The following IER5L variants were observed in gnomAD, a reference collection of about 807,000 sequenced individuals.
The protein encoded by IER5L is immediate early response gene 5-like protein.
A neutral mutation model predicts 28.3 loss-of-function variants in IER5L; 6 were observed. The ratio of observed to expected loss-of-function variants is 0.21; its 90% CI spans 0.12 to 0.42. The LOEUF (loss-of-function observed/expected upper bound fraction) is 0.42, where lower values mean the gene tolerates loss of function less well. Among genes scored for constraint, IER5L ranks in the 10% least tolerant of loss-of-function variants. The probability of loss-of-function intolerance (pLI) is 1.00; values close to 1 mark genes in which losing one functional copy is unlikely to be tolerated. For missense variants in IER5L, 607 were observed against 575.2 expected (o/e 1.06, Z -0.56); for synonymous variants, 351 against 282.5 (o/e 1.24, Z -2.43).
In IER5L at chr9:129,176,720, C is replaced by T. The variant is rs562996681; in HGVS notation, c.*118G>A. 1.8e-4 allele frequency: 239 copies of T among 1,292,326 alleles called. No homozygotes were observed. The highest frequency in any genetic ancestry group is 2.4e-4 in the Non-Finnish European group (237 of 1,003,602). The allele number at this position is 1,292,326 out of a possible 1,614,324, so 80.1% of individuals were successfully genotyped here. On this transcript the variant is annotated 3_prime_UTR_variant, in exon 1 of 1. Coordinates refer to ENST00000372491, the MANE Select transcript of IER5L (RefSeq NM_203434.3). ...AACATCAGCCGCCTGCCCCCGCTCG[C>T]CCCCAGCTCAGCCCCGAGTGGCCCG...
In IER5L at chr9:129,177,680, G is replaced by C; in HGVS notation, c.373C>G (p.Gln125Glu). The change falls in exon 1 of 1, where the codon CAG becomes GAG. Residue 125 changes from glutamine to glutamate, a missense_variant. Transcript: ENST00000372491. The part of the protein sequence containing the change: ...HQLHQLHLQQ[Q>E]LHQHQHPAPR... The stretch of plus-strand genomic sequence containing the variant: ...GCCGGGTGCTGGTGCTGGTGCAGCT[G>C]CTGCTGGAGGTGCAGCTGGTGGAGC... The C allele has an allele frequency of 7.1e-7, 1 of 1,406,568 alleles. No homozygotes were observed. The highest frequency in any genetic ancestry group is 9.2e-7 in the Non-Finnish European group (1 of 1,082,352). 87.1% of individuals were successfully genotyped at this position (1,406,568 alleles called of 1,614,324 possible).
chr9:129,178,123 C>T lies in IER5L; in HGVS notation c.-71G>A, dbSNP rs952626893. 1.5e-6 allele frequency: 2 copies of T among 1,291,682 alleles called. No homozygotes were observed. Among genetic ancestry groups the T allele is most frequent in the Non-Finnish European group, 2.0e-6 (2 of 1,005,158 alleles). 80.0% of individuals were successfully genotyped at this position (1,291,682 alleles called of 1,614,324 possible). A position where few individuals can be genotyped will look rare whatever the true frequency, so the allele number is the denominator to read the frequency against. ...TTAACGCTTCTGCTGTTTCTGCCTC[C>T]AGCCGGCCGCCGGGGCGCGCCGGGC... On this transcript the variant is annotated 5_prime_UTR_variant, in exon 1 of 1. Transcript: ENST00000372491.
At position 129,177,086 on chromosome 9, in the gene IER5L, C is replaced by A. The variant is rs1163910800; in HGVS notation, c.967G>T (p.Ala323Ser). 1.4e-6 allele frequency: 2 copies of A among 1,466,076 alleles called. No homozygotes were observed. The highest frequency in any genetic ancestry group is 2.7e-5 in the Admixed American group (1 of 36,774). The allele number at this position is 1,466,076 out of a possible 1,614,324, so 90.8% of individuals were successfully genotyped here. A position where few individuals can be genotyped will look rare whatever the true frequency, so the allele number is the denominator to read the frequency against. Residue 323 changes from alanine (A) to serine (S), a missense_variant, in exon 1 of 1, where the codon GCC (alanine) becomes TCC (serine). By Grantham distance (99) the Ala-to-Ser change is moderately conservative. Coordinates refer to ENST00000372491, the MANE Select transcript of IER5L (RefSeq NM_203434.3). ...DDEEDAGGLGAEPPGGAPFAP... is the reference protein window; with the variant it reads ...DDEEDAGGLGSEPPGGAPFAP... Reference sequence around the variant, plus strand: ...AACGGGGCGCCCCCGGGGGGCTCGGCCCCCAGCCCGCCCGCATCCTCCTCG... The same window carrying A: ...AACGGGGCGCCCCCGGGGGGCTCGGACCCCAGCCCGCCCGCATCCTCCTCG...
rs987974792 is a variant in IER5L, at chr9:129,177,659, G to A, written c.394C>T (p.Pro132Ser). 2.1e-5 allele frequency: 28 copies of A among 1,313,212 alleles called. No individual in the cohort carries two copies. In the Admixed American group the frequency reaches 9.2e-4, roughly 43 times the overall value. 81.3% of individuals were successfully genotyped at this position (1,313,212 alleles called of 1,614,324 possible). ...GCCGCCGCGCAGCCCCTGGGCGCCG[G>A]GTGCTGGTGCTGGTGCAGCTGCTGC... is the stretch of plus-strand genomic sequence containing the variant. ...LQQQLHQHQH[P>S]APRGCAAAAA... Residue 132 changes from proline (P) to serine (S), a missense_variant, in exon 1 of 1, where the codon CCG becomes TCG. Transcript: ENST00000372491.
Position 129,178,074 on chromosome 9 carries a change from G to A in IER5L, c.-22C>T, listed in dbSNP as rs776964689. On this transcript the variant is annotated 5_prime_UTR_variant, in exon 1 of 1. Transcript: ENST00000372491. The stretch of plus-strand genomic sequence containing the variant: ...CCATGCTCCCGCGGAGACGGCGGCG[G>A]AGCAGCCGCCGCCGCTGCTGCTGTT... 15 of 1,391,720 alleles carry A rather than the reference G, an allele frequency of 1.1e-5. No individual in the cohort carries two copies. The highest frequency in any genetic ancestry group is 1.0e-5 in the Non-Finnish European group (11 of 1,072,044). 86.2% of individuals were successfully genotyped at this position (1,391,720 alleles called of 1,614,324 possible). A position where few individuals can be genotyped will look rare whatever the true frequency, so the allele number is the denominator to read the frequency against.
chr9:129,176,680 TTTTAC>T lies in IER5L; in HGVS notation c.*153_*157del. On this transcript the variant is annotated 3_prime_UTR_variant, in exon 1 of 1. Transcript: ENST00000372491. ...AGATTTTAGATTTCTTTTTTTTTTA[TTTTAC>T]AATTTATAAAACATCAGCCGCCTGC... 1.0e-6 allele frequency: 1 copy of T among 962,856 alleles called. No homozygotes were observed. The highest frequency in any genetic ancestry group is 1.4e-6 in the Non-Finnish European group (1 of 716,256). 59.6% of individuals were successfully genotyped at this position (962,856 alleles called of 1,614,324 possible).
In IER5L at chr9:129,177,602, C is replaced by G; in HGVS notation, c.451G>C (p.Gly151Arg). 4.9e-6 allele frequency: 5 copies of G among 1,030,678 alleles called. No homozygotes were observed. Among genetic ancestry groups the G allele is most frequent in the Non-Finnish European group, 5.8e-6 (5 of 866,080 alleles). The allele number at this position is 1,030,678 out of a possible 1,614,324, so 63.8% of individuals were successfully genotyped here. Residue 151 changes from glycine to arginine, a missense_variant, in exon 1 of 1, where the codon GGG becomes CGG. Coordinates refer to ENST00000372491, the MANE Select transcript of IER5L (RefSeq NM_203434.3). ...CACCCGGGCAGCTCCGAGAGCGCCC[C>G]CGCGCCGCCCGCGGGCGCTCCGGCC... ...AAAGAPAGGA[G>R]ALSELPGCAA...
Position 129,177,403 on chromosome 9 carries a change from G to C in IER5L, c.650C>G (p.Pro217Arg). 8.0e-7 allele frequency: 1 copy of C among 1,242,280 alleles called. No homozygotes were observed. The allele number at this position is 1,242,280 out of a possible 1,614,324, so 77.0% of individuals were successfully genotyped here. The change falls in exon 1 of 1, where the codon CCG becomes CGG. Residue 217 changes from proline (P) to arginine (R), a missense_variant. Transcript: ENST00000372491. ...ACSAPPGAAPPAAAASPPASP... is the reference protein window; with the variant it reads ...ACSAPPGAAPRAAAASPPASP... ...GGCGGGCGGAGAAGCGGCGGCGGCC[G>C]GAGGGGCGGCCCCTGGGGGCGCGGA...
rs1272584508 is a variant in IER5L, at chr9:129,177,489, C to T, written c.564G>A (p.Pro188=). ...LQPGPAPLPL[P]LPPPAPAALC... is the part of the protein sequence containing the mutation. ...GCGCAGCGGGCGCGGGCGGCGGCAG[C>T]GGCAGCGGCAGCGGCGCAGGACCCG... Residue 188 remains proline, a synonymous_variant, in exon 1 of 1, where the codon CCG becomes CCA. Transcript: ENST00000372491. 4.0e-6 allele frequency: 4 copies of T among 989,174 alleles called. No homozygotes were observed. In the Admixed American group the frequency reaches 1.9e-4, roughly 46 times the overall value. 61.3% of individuals were successfully genotyped at this position (989,174 alleles called of 1,614,324 possible). A position where few individuals can be genotyped will look rare whatever the true frequency, so the allele number is the denominator to read the frequency against.
Position 129,177,900 on chromosome 9 carries a change from G to C in IER5L, c.153C>G (p.Arg51=), listed in dbSNP as rs890059159. The C allele has an allele frequency of 1.3e-6, 2 of 1,552,850 alleles. No individual in the cohort carries two copies. Among genetic ancestry groups the C allele is most frequent in the Non-Finnish European group, 8.7e-7 (1 of 1,149,836 alleles). The stretch of plus-strand genomic sequence containing the variant: ...GCTGGCGCCGGTAGAGCTCGGCGTA[G>C]CGCTCGCTCAGGTAGAGCTGGCGCG... ...RNARQLYLSE[R]YAELYRRQQQ... The change falls in exon 1 of 1, where the codon CGC becomes CGG. Residue 51 remains arginine (R), a synonymous_variant. Coordinates refer to ENST00000372491, the MANE Select transcript of IER5L (RefSeq NM_203434.3).
rs183713843 is a variant in IER5L, at chr9:129,177,378, G to A, written c.675C>T (p.Ala225=). The change falls in exon 1 of 1, where the codon GCC becomes GCT. Residue 225 remains alanine (A), a synonymous_variant. Coordinates refer to ENST00000372491, the MANE Select transcript of IER5L (RefSeq NM_203434.3). The part of the protein sequence containing the change: ...APPAAAASPP[A]SPAPASSPGF... ...CGGGGGAGGAGGCGGGGGCCGGGGA[G>A]GCGGGCGGAGAAGCGGCGGCGGCCG... The A allele has an allele frequency of 8.4e-3, 10,768 of 1,287,042 alleles. 574 individuals are homozygous for A. In the East Asian group the frequency reaches 0.17, roughly 21 times the overall value. 79.7% of individuals were successfully genotyped at this position (1,287,042 alleles called of 1,614,324 possible). A position where few individuals can be genotyped will look rare whatever the true frequency, so the allele number is the denominator to read the frequency against.
Position 129,177,690 on chromosome 9 carries a change from G to A in IER5L, c.363C>T (p.His121=), listed in dbSNP as rs1288307682. The A allele has an allele frequency of 7.7e-6, 11 of 1,420,022 alleles. No homozygotes were observed. Among genetic ancestry groups the A allele is most frequent in the African/African-American group, 1.5e-5 (1 of 66,362 alleles). 88.0% of individuals were successfully genotyped at this position (1,420,022 alleles called of 1,614,324 possible). A position where few individuals can be genotyped will look rare whatever the true frequency, so the allele number is the denominator to read the frequency against. ...LHQLHQLHQL[H]LQQQLHQHQH... ...GGTGCTGGTGCAGCTGCTGCTGGAG[G>A]TGCAGCTGGTGGAGCTGGTGGAGCT... The change falls in exon 1 of 1, where the codon CAC becomes CAT. Residue 121 remains histidine (H), a synonymous_variant. Coordinates refer to ENST00000372491, the MANE Select transcript of IER5L (RefSeq NM_203434.3).
At position 129,177,619 on chromosome 9, in the gene IER5L, GCT is replaced by G; in HGVS notation, c.432_433del (p.Pro146ArgfsTer296). ...GAGCGCCCCCGCGCCGCCCGCGGGC[GCT>G]CCGGCCGCCGCCGCCGCCGCGCAGC... On this transcript the variant is annotated frameshift_variant, in exon 1 of 1. Coordinates refer to ENST00000372491, the MANE Select transcript of IER5L (RefSeq NM_203434.3). LOFTEE classifies it high-confidence loss of function. 9.0e-7 allele frequency: 1 copy of G among 1,112,436 alleles called. No homozygotes were observed. The highest frequency in any genetic ancestry group is 1.1e-6 in the Non-Finnish European group (1 of 919,554). The allele number at this position is 1,112,436 out of a possible 1,614,324, so 68.9% of individuals were successfully genotyped here. A position where few individuals can be genotyped will look rare whatever the true frequency, so the allele number is the denominator to read the frequency against.
Position 129,177,588 on chromosome 9 carries a change from C to T in IER5L, c.465G>A (p.Glu155=), listed in dbSNP as rs1255314179. Residue 155 remains glutamate, a synonymous_variant, in exon 1 of 1, where the codon GAG becomes GAA. Coordinates refer to ENST00000372491, the MANE Select transcript of IER5L (RefSeq NM_203434.3). ...APAGGAGALS[E]LPGCAALQPP... is the part of the protein sequence containing the mutation. Reference sequence around the variant, plus strand: ...GCTGGAGCGCGGCGCACCCGGGCAGCTCCGAGAGCGCCCCCGCGCCGCCCG... The same window carrying T: ...GCTGGAGCGCGGCGCACCCGGGCAGTTCCGAGAGCGCCCCCGCGCCGCCCG... 4.0e-6 allele frequency: 4 copies of T among 999,980 alleles called. No individual in the cohort carries two copies. Among genetic ancestry groups the T allele is most frequent in the Non-Finnish European group, 4.7e-6 (4 of 843,490 alleles). 61.9% of individuals were successfully genotyped at this position (999,980 alleles called of 1,614,324 possible).
Position 129,177,397 on chromosome 9 carries a change from G to C in IER5L, c.656C>G (p.Ala219Gly), listed in dbSNP as rs1264759786. The change falls in exon 1 of 1, where the codon GCC (alanine) becomes GGC (glycine). Residue 219 changes from alanine to glycine, a missense_variant. Transcript: ENST00000372491. ...CGGGGAGGCGGGCGGAGAAGCGGCG[G>C]CGGCCGGAGGGGCGGCCCCTGGGGG... ...SAPPGAAPPAAAASPPASPAP... is the reference protein window; with the variant it reads ...SAPPGAAPPAGAASPPASPAP... The C allele has an allele frequency of 4.0e-6, 5 of 1,253,402 alleles. No homozygotes were observed. Among genetic ancestry groups the C allele is most frequent in the Non-Finnish European group, 4.0e-6 (4 of 999,412 alleles). The allele number at this position is 1,253,402 out of a possible 1,614,324, so 77.6% of individuals were successfully genotyped here.
Position 129,176,203 on chromosome 9 carries a change from A to G in IER5L, c.*635T>C, listed in dbSNP as rs1007426668. 2 of 152,138 alleles carry G rather than the reference A, an allele frequency of 1.3e-5. No homozygotes were observed. The highest frequency in any genetic ancestry group is 4.8e-5 in the African/African-American group (2 of 41,432). The allele number at this position is 152,138 out of a possible 1,614,324, so 9.4% of individuals were successfully genotyped here. A position where few individuals can be genotyped will look rare whatever the true frequency, so the allele number is the denominator to read the frequency against. ...GGTTCAAGACACCCGCCCCGGGAAG[A>G]AAAGAAAAAAAAAGTTGAAGTGTTT... is the stretch of plus-strand genomic sequence containing the variant. On this transcript the variant is annotated 3_prime_UTR_variant, in exon 1 of 1. Coordinates refer to ENST00000372491, the MANE Select transcript of IER5L (RefSeq NM_203434.3).
Position 129,176,788 on chromosome 9 carries a change from G to T in IER5L, c.*50C>A. ...CCTCTCGCCCCTTTGCCGAGTCTTT[G>T]TCTGGCCCCAGCCCCGCGGGGCCCC... On this transcript the variant is annotated 3_prime_UTR_variant, in exon 1 of 1. Coordinates refer to ENST00000372491, the MANE Select transcript of IER5L (RefSeq NM_203434.3). 6.9e-7 allele frequency: 1 copy of T among 1,446,842 alleles called. No homozygotes were observed. Among genetic ancestry groups the T allele is most frequent in the Non-Finnish European group, 9.1e-7 (1 of 1,103,128 alleles). 89.6% of individuals were successfully genotyped at this position (1,446,842 alleles called of 1,614,324 possible).
At position 129,178,026 on chromosome 9, in the gene IER5L, G is replaced by A. The variant is rs1198746874; in HGVS notation, c.27C>T (p.Ser9=). 6 of 1,534,132 alleles carry A rather than the reference G, an allele frequency of 3.9e-6. No homozygotes were observed. The highest frequency in any genetic ancestry group is 3.9e-5 in the Admixed American group (2 of 51,346). Residue 9 remains serine, a synonymous_variant, in exon 1 of 1, where the codon AGC becomes AGT. Coordinates refer to ENST00000372491, the MANE Select transcript of IER5L (RefSeq NM_203434.3). MECALDAQ[S]LISISLRKIH... is the part of the protein sequence containing the mutation. ...TCTTGCGCAGGGAGATGCTGATCAGGCTCTGGGCGTCCAGGGCGCACTCCA... is the reference window on the plus strand; with the variant it reads ...TCTTGCGCAGGGAGATGCTGATCAGACTCTGGGCGTCCAGGGCGCACTCCA...
In IER5L at chr9:129,177,299, T is replaced by G. The variant is rs1272836873; in HGVS notation, c.754A>C (p.Ser252Arg). The change falls in exon 1 of 1, where the codon AGC becomes CGC. Residue 252 changes from serine (S) to arginine (R), a missense_variant. Ser to Arg is a moderately radical substitution (Grantham distance 110, BLOSUM62 -1). Transcript: ENST00000372491. ...TCTAGGTCCAGCACGGTGGTCTGGC[T>G]GCTGCAGTGCAAGCCGAAGTCCGAA... ...TPSDFGLHCS[S>R]QTTVLDLDTH... 6.9e-7 allele frequency: 1 copy of G among 1,441,678 alleles called. No individual in the cohort carries two copies. Among genetic ancestry groups the G allele is most frequent in the Non-Finnish European group, 9.1e-7 (1 of 1,103,222 alleles). 89.3% of individuals were successfully genotyped at this position (1,441,678 alleles called of 1,614,324 possible). A position where few individuals can be genotyped will look rare whatever the true frequency, so the allele number is the denominator to read the frequency against.
Sources: gnomAD v4.1 joint callset for allele counts on GRCh38, gnomAD v4.1.1 for gene constraint, MANE v1.5 for transcripts, NCBI Gene and HGNC (gene_info 2026-07-23, HGNC 2026-07-21) for gene names.